Variants in CD3E observed in about 807,000 individuals in gnomAD.
CD3E encodes the protein T-cell surface glycoprotein CD3 epsilon chain.
CD3E carries 16 observed loss-of-function variants against 34.7 expected under a neutral mutation model. The ratio of observed to expected loss-of-function variants is 0.46; its 90% CI spans 0.31 to 0.70. The LOEUF (loss-of-function observed/expected upper bound fraction) is 0.70, where lower values mean the gene tolerates loss of function less well. CD3E is among the 30% of genes least tolerant of loss of function. The pLI is 0.05. For missense variants in CD3E, 223 were observed against 253.9 expected, an observed-to-expected ratio of 0.88 and a Z score of 0.83; for synonymous variants, 70 against 90.8, an observed-to-expected ratio of 0.77 and a Z score of 1.30.
At chr11:118,313,638 T>C (rs1208306944) in intron 6 of CD3E, 69 bp from the exon 7 acceptor site, 13 of 1,476,622 alleles carry the variant, frequency 8.8e-6, no homozygotes, top group East Asian at 2.3e-5. Context: ...ATGCACTCCC[T>C]CCTCACCTCC....
Position 118,313,920 on chromosome 11 carries a change from C to T in CD3E, c.520+46C>T, listed in dbSNP as rs2231448. On this transcript the variant is annotated intron_variant, in intron 7 of 8. Transcript: ENST00000361763. ...CAGAGGAGATTCCTGCCAAGGGGGA[C>T]GACCAGCCTGGGCCAGGGTGGGTGG... The T allele has an allele frequency of 3.6e-4, 571 of 1,603,500 alleles. 2 individuals are homozygous for T. Among genetic ancestry groups the T allele is most frequent in the African/African-American group, 3.5e-3 (259 of 74,808 alleles).
intron 4 of CD3E, among the ~76,000 whole-genome samples, chr11:118,309,467 T>C (rs939165705): frequency 6.6e-6 from 1 of 152,134 alleles, no homozygotes; most frequent in Admixed American, 6.5e-5. Flanking sequence ...TCTCAGCTAC[T>C]CAGGAGGCTG....
intron 4 of CD3E, among the ~76,000 whole-genome samples, chr11:118,310,109 A>G (rs990544437): frequency 6.6e-6 from 1 of 152,258 alleles, no homozygotes; most frequent in African/African-American, 2.4e-5. Flanking sequence ...CTTTGTGAGC[A>G]CACATATCTT....
intron 6 of CD3E, chr11:118,313,103 A>T: frequency 1.8e-6 from 1 of 560,720 alleles, no homozygotes; most frequent in Non-Finnish European, 3.2e-6. Flanking sequence ...TAAAATAGCA[A>T]CTCCCTAAGA....
At position 118,313,732 on chromosome 11, in the gene CD3E, T is replaced by C; in HGVS notation, c.378T>C (p.Asp126=). Reference sequence around the variant, plus strand: ...TGTGTGAGAACTGCATGGAGATGGATGTGATGTCGGTGGCCACAATTGTCA... The same window carrying C: ...TGTGTGAGAACTGCATGGAGATGGACGTGATGTCGGTGGCCACAATTGTCA... ...ARVCENCMEM[D]VMSVATIVIV... is the part of the protein sequence containing the mutation. Residue 126 remains aspartate (D), a synonymous_variant, in exon 7 of 9, where the codon GAT becomes GAC. Coordinates refer to ENST00000361763, the MANE Select transcript of CD3E (RefSeq NM_000733.4). 1 of 1,614,136 alleles carries C rather than the reference T, an allele frequency of 6.2e-7. No homozygotes were observed.
In CD3E at chr11:118,313,358, A is replaced by G. The variant is rs532628595; in HGVS notation, c.353-349A>G. On this transcript the variant is annotated intron_variant, in intron 6 of 8. Transcript: ENST00000361763. ...CAACACTTATCAAGGATTCTTTTTC[A>G]TGTAATCCTCTCAACAACTATATGG... 5 of 386,676 alleles carry G rather than the reference A, an allele frequency of 1.3e-5. No homozygotes were observed. The East Asian group carries it at 3.1e-4, about 24-fold the overall frequency. 24.0% of individuals were successfully genotyped at this position (386,676 alleles called of 1,614,324 possible).
At chr11:118,314,956 C>T (rs1457114882) in intron 8 of CD3E, among the ~76,000 whole-genome samples, 3 of 97,794 alleles carry the variant, frequency 3.1e-5, no homozygotes, top group Non-Finnish European at 5.8e-5. Context: ...CTTACACACA[C>T]ACATACACAC....
chr11:118,306,811 A>T (rs184294949), intron 2 of CD3E, among the ~76,000 whole-genome samples: 174 of 152,294 alleles, frequency 1.1e-3, no homozygotes, highest in Non-Finnish European at 2.1e-3. Context: ...CAGGGTTTCA[A>T]ATATTTCCAT....
At chr11:118,306,919 C>A (rs1948109839) in intron 2 of CD3E, among the ~76,000 whole-genome samples, 1 of 152,160 alleles carries the variant, frequency 6.6e-6, no homozygotes, top group Non-Finnish European at 1.5e-5. Context: ...CAACCAAGAG[C>A]GTGTTTTTCT....
rs112978646 is a variant in CD3E at position 118,307,208 on chromosome 11, C to A, written c.50-80C>A. Reference sequence around the variant, plus strand: ...TCAGATGTCATCAGTGGTCATACTGCAACACAGCCCTTTTTCTGTTTAGGA... The same window carrying A: ...TCAGATGTCATCAGTGGTCATACTGAAACACAGCCCTTTTTCTGTTTAGGA... On this transcript the variant is annotated intron_variant, in intron 2 of 8. Transcript: ENST00000361763. The A allele has an allele frequency of 3.3e-3, 3,599 of 1,102,140 alleles. 93 individuals carry two copies. In the African/African-American group the frequency reaches 0.048, roughly 15 times the overall value. 68.3% of individuals were successfully genotyped at this position (1,102,140 alleles called of 1,614,324 possible).
chr11:118,315,190 T>G (rs1462097140), intron 8 of CD3E, among the ~76,000 whole-genome samples: 1 of 152,082 alleles, frequency 6.6e-6, no homozygotes, highest in Non-Finnish European at 1.5e-5. Flanking sequence ...AGCCAAATAC[T>G]CAACACCAGC....
chr11:118,313,533 C>A, intron 6 of CD3E, 174 bp from the exon 7 acceptor site: 1 of 670,480 alleles, frequency 1.5e-6, no homozygotes, highest in South Asian at 1.7e-5. Context: ...CTACCCACGG[C>A]CACCACTCTT....
chr11:118,314,895 T>C, intron 8 of CD3E, among the ~76,000 whole-genome samples: 1 of 151,908 alleles, frequency 6.6e-6, no homozygotes, highest in East Asian at 1.9e-4. Context: ...TATTGAAATA[T>C]TAAAATACTC....
rs368688587 is a variant in CD3E, at chr11:118,313,668, G to A, written c.353-39G>A. 2.7e-5 allele frequency: 43 copies of A among 1,604,720 alleles called. No homozygotes were observed. The African/African-American group carries it at 5.5e-4, about 20-fold the overall frequency. On this transcript the variant is annotated intron_variant, in intron 6 of 8. Transcript: ENST00000361763. The stretch of plus-strand genomic sequence containing the variant: ...ACCTCCAGCGCCTTGTGTTTTCCTT[G>A]CTTAGTGATTTCCCCTCTCCCCACC...
At chr11:118,313,530 C>T (rs1822155121) in intron 6 of CD3E, 177 bp from the exon 7 acceptor site, 4 of 660,282 alleles carry the variant, frequency 6.1e-6, no homozygotes, top group East Asian at 2.8e-5. Context: ...CCTCTACCCA[C>T]GGCCACCACT....
intron 4 of CD3E, among the ~76,000 whole-genome samples, chr11:118,309,449 G>T (rs1456483088): frequency 6.6e-6 from 1 of 152,192 alleles, no homozygotes; most frequent in African/African-American, 2.4e-5. Context: ...GGTGGCAGGT[G>T]CCTGTAATCT....
In CD3E at chr11:118,315,586, C is replaced by G; in HGVS notation, c.*44C>G. 6.7e-7 allele frequency: 1 copy of G among 1,497,112 alleles called. No individual in the cohort carries two copies. Among genetic ancestry groups the G allele is most frequent in the Non-Finnish European group, 9.2e-7 (1 of 1,086,416 alleles). 92.7% of individuals were successfully genotyped at this position (1,497,112 alleles called of 1,614,324 possible). On this transcript the variant is annotated 3_prime_UTR_variant, in exon 9 of 9. Coordinates refer to ENST00000361763, the MANE Select transcript of CD3E (RefSeq NM_000733.4). Reference sequence around the variant, plus strand: ...CTCCCGCTGGCCCAGGTCTCCTCTCCAGTCCCCCTGCGACTCCCTGTTTCC... The same window carrying G: ...CTCCCGCTGGCCCAGGTCTCCTCTCGAGTCCCCCTGCGACTCCCTGTTTCC...
At chr11:118,306,496 T>C (rs1284625916) in intron 2 of CD3E, among the ~76,000 whole-genome samples, 1 of 17,632 alleles carries the variant, frequency 5.7e-5, no homozygotes, top group Non-Finnish European at 1.5e-4. Flanking sequence ...GATAAATAAA[T>C]AAATAAATAA....
Position 118,312,136 on chromosome 11 carries a change from C to T in CD3E, c.86-17C>T. ...CCATGATATTTTCTTACTGCTGTTT[C>T]CTTTTTTCATTTTCAGGTGGTATTA... is the stretch of plus-strand genomic sequence containing the variant. On this transcript the variant is annotated splice_polypyrimidine_tract_variant and intron_variant, in intron 4 of 8. Coordinates refer to ENST00000361763, the MANE Select transcript of CD3E (RefSeq NM_000733.4). 1.9e-6 allele frequency: 3 copies of T among 1,609,550 alleles called. No individual in the cohort carries two copies. In the South Asian group the frequency reaches 3.3e-5, roughly 18 times the overall value.
Sources: gnomAD v4.1 joint callset for allele counts (sites outside exome capture counted in the v4.1 genomes callset) on GRCh38, gnomAD v4.1.1 for gene constraint, MANE v1.5 for transcripts, NCBI Gene and HGNC (gene_info 2026-07-23, HGNC 2026-07-21) for gene names.